THRB: variants seen among roughly 807,000 people sequenced by gnomAD.
THRB encodes nuclear receptor subfamily 1 group A member 2.
Under a neutral mutation model 47.8 loss-of-function variants are expected in THRB, and 12 were observed. The observed-to-expected ratio is 0.25, with a 90% CI of 0.16 to 0.41. The LOEUF (loss-of-function observed/expected upper bound fraction) is 0.41. Among genes scored for constraint, THRB ranks in the 10% least tolerant of loss-of-function variants. The pLI, the probability that THRB is intolerant of heterozygous loss-of-function variation, is 1.00. For synonymous variants in THRB, 218 were observed against 212.2 expected, an observed-to-expected ratio of 1.03 and a Z score of -0.24; for missense variants, 348 against 589.2, an observed-to-expected ratio of 0.59 and a Z score of 4.24.
At chr3:24,165,113 A>G in intron 5 of THRB, 1 of 765,144 alleles carries the variant, frequency 1.3e-6, no homozygotes, top group South Asian at 1.3e-5. Flanking sequence ...GTATTGATTC[A>G]GGGCCATGTC....
intron 4 of THRB, among the ~76,000 whole-genome samples, chr3:24,226,755 A>G (rs777206528): frequency 1.3e-5 from 2 of 152,192 alleles, no homozygotes; most frequent in Non-Finnish European, 2.9e-5. Flanking sequence ...GGGCTCTAGA[A>G]CAAGGGTCCA....
chr3:24,491,835 A>T (rs887803288), intron 1 of THRB, among the ~76,000 whole-genome samples: 1 of 152,220 alleles, frequency 6.6e-6, no homozygotes, highest in African/African-American at 2.4e-5. Flanking sequence ...CAGGGAGTTG[A>T]AGGTCAATGT....
chr3:24,480,970 C>A (rs981454689), intron 1 of THRB, among the ~76,000 whole-genome samples: 1 of 152,180 alleles, frequency 6.6e-6, no homozygotes, highest in Admixed American at 6.5e-5. Context: ...CAATATCATC[C>A]CTGCAGAAAT....
intron 3 of THRB, among the ~76,000 whole-genome samples, chr3:24,268,164 T>TAAG (rs1371396617): frequency 3.3e-5 from 5 of 152,000 alleles, no homozygotes. Flanking sequence ...TTCTCAAAAA[T>TAAG]GGAGGAACTT....
chr3:24,363,232 T>C (rs1445788295), intron 1 of THRB, among the ~76,000 whole-genome samples: 1 of 152,132 alleles, frequency 6.6e-6, no homozygotes, highest in African/African-American at 2.4e-5. Context: ...TTTCATCCAA[T>C]GAGAGCCAAC....
intron 2 of THRB, among the ~76,000 whole-genome samples, chr3:24,331,663 C>G (rs1576903786): frequency 7.2e-6 from 1 of 139,532 alleles, no homozygotes; most frequent in East Asian, 2.2e-4. Flanking sequence ...TATATACATA[C>G]ACACACCTCC....
intron 1 of THRB, among the ~76,000 whole-genome samples, chr3:24,446,851 A>G (rs1382486477): frequency 4.6e-5 from 7 of 152,186 alleles, no homozygotes; most frequent in Non-Finnish European, 1.0e-4. Context: ...ATACTTACAC[A>G]TGTGATTGAG....
intron 3 of THRB, among the ~76,000 whole-genome samples, chr3:24,256,274 T>C (rs757901747): frequency 9.2e-6 from 1 of 108,522 alleles, no homozygotes; most frequent in Admixed American, 8.5e-5. Flanking sequence ...TTAATGAGTA[T>C]TACTTGGTTA....
chr3:24,350,667 C>T (rs1577039202), intron 1 of THRB, among the ~76,000 whole-genome samples: 4 of 152,038 alleles, frequency 2.6e-5, no homozygotes, highest in East Asian at 1.9e-4. Context: ...GGCTGAAAGC[C>T]GGTGTGAAGA....
At position 24,465,325 on chromosome 3, in the gene THRB, C is replaced by T. The variant is rs868749146; in HGVS notation, c.-261+29327G>A. 3.9e-5 allele frequency among the ~76,000 whole-genome samples: 6 copies of T among 152,094 alleles called. No homozygotes were observed. The South Asian group carries it at 6.2e-4, about 16-fold the overall frequency. On this transcript the variant is annotated intron_variant, in intron 1 of 10. Transcript: ENST00000646209. ...ATTTAATTGATTTCTTTGCAAGTAACGTTATCTCTACTCCAACCCCATTAC... is the reference window on the plus strand; with the variant it reads ...ATTTAATTGATTTCTTTGCAAGTAATGTTATCTCTACTCCAACCCCATTAC...
At chr3:24,216,988 T>G (rs139718433) in intron 4 of THRB, among the ~76,000 whole-genome samples, 9 of 151,724 alleles carry the variant, frequency 5.9e-5, no homozygotes, top group African/African-American at 1.4e-4. Flanking sequence ...GTAATTGGTA[T>G]TCTGATGGCT....
intron 3 of THRB, among the ~76,000 whole-genome samples, chr3:24,273,773 A>G (rs1050968769): frequency 6.6e-6 from 1 of 152,158 alleles, no homozygotes; most frequent in African/African-American, 2.4e-5. Context: ...GCGGTAGAGC[A>G]CAATACTATC....
At chr3:24,444,766 GT>G (rs972103320) in intron 1 of THRB, among the ~76,000 whole-genome samples, 1 of 152,066 alleles carries the variant, frequency 6.6e-6, no homozygotes, top group African/African-American at 2.4e-5. Context: ...TGTATTTTTA[GT>G]GGAGATGGGG....
chr3:24,380,835 G>A (rs1266825115), intron 1 of THRB, among the ~76,000 whole-genome samples: 1 of 152,154 alleles, frequency 6.6e-6, no homozygotes, highest in African/African-American at 2.4e-5. Flanking sequence ...TTCCTTTGCT[G>A]GCTGGGCACG....
chr3:24,271,030 C>A lies in THRB; in HGVS notation c.-43+26196G>T, dbSNP rs141718002. Among the ~76,000 whole-genome samples the A allele has an allele frequency of 2.8e-3, 424 of 152,206 alleles. 11 individuals are homozygous for A. Among genetic ancestry groups the A allele is most frequent in the East Asian group, 0.026 (133 of 5,172 alleles). On this transcript the variant is annotated intron_variant, in intron 3 of 10. Coordinates refer to ENST00000646209, the MANE Select transcript of THRB (RefSeq NM_001354712.2). ...AAATTTTTCCTTTAGAGATAACATCCAAACCATAGCCCTCCCTAGGCATGT... is the reference window on the plus strand; with the variant it reads ...AAATTTTTCCTTTAGAGATAACATCAAAACCATAGCCCTCCCTAGGCATGT...
At chr3:24,423,094 T>C (rs2069424710) in intron 1 of THRB, among the ~76,000 whole-genome samples, 1 of 151,832 alleles carries the variant, frequency 6.6e-6, no homozygotes, top group Non-Finnish European at 1.5e-5. Context: ...GCTCACCATA[T>C]AACTAAGTAA....
chr3:24,416,297 G>T lies in THRB; in HGVS notation c.-261+78355C>A, dbSNP rs116167988. 3.8e-3 allele frequency among the ~76,000 whole-genome samples: 577 copies of T among 151,894 alleles called. 3 individuals are homozygous for T. Among genetic ancestry groups the T allele is most frequent in the African/African-American group, 0.013 (557 of 41,500 alleles). On this transcript the variant is annotated intron_variant, in intron 1 of 10. Transcript: ENST00000646209. ...GTATCCGCTATCAGGAAGGCACACA[G>T]AATAGAATACAGTAGCCAGTAGAAG...
At chr3:24,417,717 C>T (rs1325957286) in intron 1 of THRB, among the ~76,000 whole-genome samples, 1 of 151,894 alleles carries the variant, frequency 6.6e-6, no homozygotes, top group Admixed American at 6.6e-5. Context: ...GAAAGTCATT[C>T]TAGCTTTGAC....
At chr3:24,427,911 T>G (rs1646309447) in intron 1 of THRB, among the ~76,000 whole-genome samples, 1 of 152,060 alleles carries the variant, frequency 6.6e-6, no homozygotes, top group South Asian at 2.1e-4. Flanking sequence ...AGACTTAGAT[T>G]TGAAAATTTC....
Sources: gnomAD v4.1 joint callset for allele counts (sites outside exome capture counted in the v4.1 genomes callset) on GRCh38, gnomAD v4.1.1 for gene constraint, MANE v1.5 for transcripts, NCBI Gene and HGNC (gene_info 2026-07-23, HGNC 2026-07-21) for gene names.